Variants in MACROD2 observed in about 807,000 individuals in gnomAD.
MACROD2 encodes the protein ADP-ribose glycohydrolase MACROD2.
Under a neutral mutation model 70.4 loss-of-function variants are expected in MACROD2, and 36 were observed. That is an observed-to-expected ratio of 0.51 (90% confidence interval 0.39 to 0.68). The LOEUF (loss-of-function observed/expected upper bound fraction) is 0.68. MACROD2 is among the 30% of genes least tolerant of loss of function. The pLI, the probability that MACROD2 is intolerant of heterozygous loss-of-function variation, is 0.00. For synonymous variants in MACROD2, 172 were observed against 178.8 expected (o/e 0.96, Z 0.30); for missense variants, 496 against 538.4 (o/e 0.92, Z 0.78).
intron 6 of MACROD2, among the ~76,000 whole-genome samples, chr20:15,412,529 T>C (rs1389574335): frequency 6.6e-6 from 1 of 152,188 alleles, no homozygotes; most frequent in Non-Finnish European, 1.5e-5. Context: ...TTTTGATTAA[T>C]TTATCCAGAT....
chr20:14,276,529 A>G (rs2082258759), intron 3 of MACROD2, among the ~76,000 whole-genome samples: 1 of 149,462 alleles, frequency 6.7e-6, no homozygotes, highest in Middle Eastern at 3.4e-3. Context: ...CTAATGCTAA[A>G]TGACGAGTCA....
chr20:15,855,723 G>A (rs575571601), intron 8 of MACROD2, among the ~76,000 whole-genome samples: 3 of 152,178 alleles, frequency 2.0e-5, no homozygotes, highest in East Asian at 3.9e-4. Context: ...TAACTCCATC[G>A]ATGATTTTGC....
At chr20:15,369,588 A>G (rs1206699127) in intron 6 of MACROD2, among the ~76,000 whole-genome samples, 1 of 152,194 alleles carries the variant, frequency 6.6e-6, no homozygotes, top group African/African-American at 2.4e-5. Flanking sequence ...TCAAATGAGC[A>G]TGAAGTTGTT....
chr20:14,628,843 A>G (rs1265090217), intron 4 of MACROD2: 2 of 152,174 alleles, frequency 1.3e-5, no homozygotes, highest in Non-Finnish European at 2.9e-5. Context: ...GGCATCTTGA[A>G]TTAGAAGATA....
intron 2 of MACROD2, among the ~76,000 whole-genome samples, chr20:14,029,099 T>A (rs928236586): frequency 7.2e-5 from 11 of 152,232 alleles, no homozygotes; most frequent in Non-Finnish European, 1.5e-4. Context: ...TAGCTCATAT[T>A]CTTTCTTCAA....
intron 4 of MACROD2, among the ~76,000 whole-genome samples, chr20:14,633,049 C>T (rs1984597884): frequency 6.6e-6 from 1 of 152,246 alleles, no homozygotes; most frequent in Non-Finnish European, 1.5e-5. Context: ...TGGGGGAGCT[C>T]TGCTGCGTTC....
chr20:15,588,149 G>T (rs761373187), intron 8 of MACROD2, among the ~76,000 whole-genome samples: 1 of 152,118 alleles, frequency 6.6e-6, no homozygotes, highest in South Asian at 2.1e-4. Context: ...CTGTGCACCC[G>T]CAGGCTTAAT....
chr20:14,363,652 G>C (rs911562789), intron 3 of MACROD2, among the ~76,000 whole-genome samples: 1 of 146,608 alleles, frequency 6.8e-6, no homozygotes, highest in Non-Finnish European at 1.5e-5. Context: ...AACCCTGTCT[G>C]TACTAAAAAT....
At chr20:14,923,545 G>A (rs2122645981) in intron 5 of MACROD2, among the ~76,000 whole-genome samples, 1 of 152,006 alleles carries the variant, frequency 6.6e-6, no homozygotes, top group South Asian at 2.1e-4. Flanking sequence ...CAAAATTTTC[G>A]GTGATCTCCT....
intron 6 of MACROD2, among the ~76,000 whole-genome samples, chr20:15,325,748 G>A (rs911116404): frequency 1.3e-5 from 2 of 152,158 alleles, no homozygotes; most frequent in African/African-American, 4.8e-5. Context: ...CAAGGGAACA[G>A]GGGTTCCATT....
chr20:15,480,503 G>A (rs922649189), intron 7 of MACROD2, among the ~76,000 whole-genome samples: 12 of 152,098 alleles, frequency 7.9e-5, no homozygotes, highest in Non-Finnish European at 2.9e-5. Flanking sequence ...TTTTATAATA[G>A]CACAATTCCC....
intron 9 of MACROD2, among the ~76,000 whole-genome samples, chr20:15,873,963 G>A (rs1376023593): frequency 6.6e-6 from 1 of 151,970 alleles, no homozygotes; most frequent in Non-Finnish European, 1.5e-5. Flanking sequence ...AGTGCACAAT[G>A]TGCAGGTTTG....
intron 8 of MACROD2, among the ~76,000 whole-genome samples, chr20:15,819,248 T>A (rs2063909934): frequency 1.4e-5 from 2 of 142,936 alleles, no homozygotes. Context: ...CAAACATATA[T>A]AAATATTTAC....
At chr20:14,954,097 C>T (rs2122739002) in intron 5 of MACROD2, among the ~76,000 whole-genome samples, 1 of 151,944 alleles carries the variant, frequency 6.6e-6, no homozygotes, top group East Asian at 1.9e-4. Flanking sequence ...ATGTGAGACA[C>T]CTTAAGTATA....
chr20:15,592,960 C>G (rs943445517), intron 8 of MACROD2, among the ~76,000 whole-genome samples: 15 of 151,894 alleles, frequency 9.9e-5, no homozygotes, highest in African/African-American at 3.4e-4. Context: ...CAGAAGGAAC[C>G]CTTATGCCCC....
intron 6 of MACROD2, among the ~76,000 whole-genome samples, chr20:15,387,531 CCTCTCCTTTCTCT>C (rs1392792158): frequency 4.0e-5 from 6 of 150,764 alleles, no homozygotes; most frequent in African/African-American, 9.8e-5. Flanking sequence ...TTTATTTCTC[CCTCTCCTTTCTCT>C]CTCAATTACA....
chr20:15,237,301 G>T (rs1361837891), intron 6 of MACROD2, among the ~76,000 whole-genome samples: 3 of 152,180 alleles, frequency 2.0e-5, no homozygotes, highest in Admixed American at 6.5e-5. Flanking sequence ...AGATGGCCAT[G>T]CCCAAGCAGC....
At chr20:15,438,458 G>T (rs1291134736) in intron 7 of MACROD2, among the ~76,000 whole-genome samples, 1 of 152,070 alleles carries the variant, frequency 6.6e-6, no homozygotes, top group Non-Finnish European at 1.5e-5. Context: ...TCATTGGCTT[G>T]TTGGCCACAT....
intron 4 of MACROD2, among the ~76,000 whole-genome samples, chr20:14,524,030 C>G (rs774327011): frequency 1.2e-4 from 18 of 152,120 alleles, no homozygotes; most frequent in Non-Finnish European, 2.4e-4. Flanking sequence ...CTAAAATGTC[C>G]TCAGTCCTTT....
Sources: allele counts gnomAD v4.1 joint callset (sites outside exome capture counted in the v4.1 genomes callset), GRCh38; gene constraint gnomAD v4.1.1; transcripts MANE v1.5; gene names NCBI Gene and HGNC (gene_info 2026-07-23, HGNC 2026-07-21).